PLCG2: variants seen among roughly 807,000 people sequenced by gnomAD.
PLCG2 encodes 1-phosphatidylinositol 4,5-bisphosphate phosphodiesterase gamma-2.
A neutral mutation model predicts 175.6 loss-of-function variants in PLCG2; 69 were observed. The ratio of observed to expected loss-of-function variants is 0.39; its 90% CI spans 0.32 to 0.48. PLCG2 has a LOEUF of 0.48. Among genes scored for constraint, PLCG2 ranks in the 20% least tolerant of loss-of-function variants. The probability of loss-of-function intolerance (pLI) is 0.91; values close to 1 mark genes in which losing one functional copy is unlikely to be tolerated. For missense variants in PLCG2, 1,798 were observed against 1,650.9 expected (o/e 1.09, Z -1.54); for synonymous variants, 827 against 624.0 (o/e 1.33, Z -4.85).
At chr16:81,805,946 G>A (rs989021544) in intron 2 of PLCG2, among the ~76,000 whole-genome samples, 3 of 151,806 alleles carry the variant, frequency 2.0e-5, no homozygotes, top group Non-Finnish European at 4.4e-5. Flanking sequence ...AGTCATGTGT[G>A]TAGTTTAAAG....
rs1012909752 is a variant in PLCG2, at chr16:81,960,614, A to C, written c.*2616A>C. 2.6e-5 allele frequency: 6 copies of C among 231,422 alleles called. No individual in the cohort carries two copies. The highest frequency in any genetic ancestry group is 5.1e-5 in the Non-Finnish European group (6 of 116,976). The allele number at this position is 231,422 out of a possible 1,614,324, so 14.3% of individuals were successfully genotyped here. A position where few individuals can be genotyped will look rare whatever the true frequency, so the allele number is the denominator to read the frequency against. On this transcript the variant is annotated 3_prime_UTR_variant, in exon 33 of 33. Coordinates refer to ENST00000564138, the MANE Select transcript of PLCG2 (RefSeq NM_002661.5). The stretch of plus-strand genomic sequence containing the variant: ...AGGTGTAGAGGGTCTTGTTTTCCAA[A>C]TTCGATCTCAGAATCTTTTTGCCAG...
intron 5 of PLCG2, among the ~76,000 whole-genome samples, chr16:81,865,229 C>T (rs1337212822): frequency 6.6e-6 from 1 of 152,006 alleles, no homozygotes; most frequent in Non-Finnish European, 1.5e-5. Context: ...TTGACCTGGG[C>T]GAGGCACTCT....
chr16:81,788,819 T>C (rs947834124), intron 2 of PLCG2, among the ~76,000 whole-genome samples: 4 of 152,222 alleles, frequency 2.6e-5, no homozygotes, highest in Non-Finnish European at 5.9e-5. Flanking sequence ...ATCTTCCCTC[T>C]TGACTGTTTG....
chr16:81,857,759 G>A (rs943328479), intron 3 of PLCG2, among the ~76,000 whole-genome samples: 4 of 152,266 alleles, frequency 2.6e-5, no homozygotes, highest in African/African-American at 9.6e-5. Flanking sequence ...ATATGAATTC[G>A]GAAGGAATGC....
intron 18 of PLCG2, among the ~76,000 whole-genome samples, chr16:81,911,237 T>A (rs1909608024): frequency 6.6e-6 from 1 of 152,214 alleles, no homozygotes. Flanking sequence ...AGCAACTTTT[T>A]TTTTCACTTT....
chr16:81,793,576 C>G (rs1567467204), intron 2 of PLCG2, among the ~76,000 whole-genome samples: 1 of 152,152 alleles, frequency 6.6e-6, no homozygotes, highest in Non-Finnish European at 1.5e-5. Flanking sequence ...TCTCTGTCTG[C>G]TTATTTGTGG....
chr16:81,796,301 C>G (rs918455288), intron 2 of PLCG2, among the ~76,000 whole-genome samples: 6 of 152,266 alleles, frequency 3.9e-5, no homozygotes, highest in Admixed American at 6.5e-5. Flanking sequence ...GCTGCCACAT[C>G]AGTGACAGCT....
At chr16:81,790,002 C>G (rs1911160035) in intron 2 of PLCG2, among the ~76,000 whole-genome samples, 1 of 152,216 alleles carries the variant, frequency 6.6e-6, no homozygotes, top group Non-Finnish European at 1.5e-5. Context: ...TTCCAGTGCC[C>G]TTGGATGAGC....
At chr16:81,821,378 G>T (rs1242482532) in intron 2 of PLCG2, among the ~76,000 whole-genome samples, 2 of 152,208 alleles carry the variant, frequency 1.3e-5, no homozygotes, top group African/African-American at 4.8e-5. Context: ...TCCAGTTTGG[G>T]GCTCTTGAAT....
intron 31 of PLCG2, among the ~76,000 whole-genome samples, chr16:81,948,076 T>A (rs1265448965): frequency 1.4e-5 from 2 of 139,876 alleles, no homozygotes; most frequent in East Asian, 3.9e-4. Context: ...TCGTTGGCAG[T>A]TCTTTACTTT....
At chr16:81,869,081 T>G (rs1272156677) in intron 5 of PLCG2, 133 bp from the exon 6 acceptor site, 2 of 691,478 alleles carry the variant, frequency 2.9e-6, no homozygotes, top group African/African-American at 3.6e-5. Flanking sequence ...TGTTCCCAGT[T>G]AGTGGTCCAT....
At chr16:81,913,768 C>T (rs1164891169) in intron 19 of PLCG2, among the ~76,000 whole-genome samples, 1 of 152,214 alleles carries the variant, frequency 6.6e-6, no homozygotes, top group Admixed American at 6.5e-5. Context: ...CCACTCCTCT[C>T]CCCATTCCCT....
chr16:81,918,404 T>C (rs1259003130), intron 19 of PLCG2, among the ~76,000 whole-genome samples: 1 of 152,216 alleles, frequency 6.6e-6, no homozygotes, highest in Non-Finnish European at 1.5e-5. Context: ...GGTCTAGTTT[T>C]CTTCTTTCGA....
At chr16:81,771,685 C>T (rs1318444508) in intron 2 of PLCG2, among the ~76,000 whole-genome samples, 1 of 151,856 alleles carries the variant, frequency 6.6e-6, no homozygotes, top group Non-Finnish European at 1.5e-5. Context: ...CCCCAACCCC[C>T]CACCCAAAAA....
chr16:81,774,197 A>G (rs1358225362), intron 2 of PLCG2, among the ~76,000 whole-genome samples: 5 of 148,652 alleles, frequency 3.4e-5, no homozygotes, highest in African/African-American at 1.2e-4. Context: ...AAAAAAAAAA[A>G]AAAAAAGCCA....
At chr16:81,880,545 G>A (rs1267634785) in intron 7 of PLCG2, among the ~76,000 whole-genome samples, 1 of 150,340 alleles carries the variant, frequency 6.7e-6, no homozygotes, top group Non-Finnish European at 1.5e-5. Context: ...ATTTGAGGTT[G>A]CAGAATAATA....
chr16:81,920,012 C>T (rs1909997063), intron 20 of PLCG2, among the ~76,000 whole-genome samples: 1 of 152,072 alleles, frequency 6.6e-6, no homozygotes, highest in Non-Finnish European at 1.5e-5. Context: ...AGGAATGAGC[C>T]ATGTGGGTAT....
rs745594434 is a variant in PLCG2, at chr16:81,956,859, C to T, written c.3735C>T (p.Tyr1245=). 6.2e-7 allele frequency: 1 copy of T among 1,613,576 alleles called. No homozygotes were observed. Among genetic ancestry groups the T allele is most frequent in the African/African-American group, 1.3e-5 (1 of 75,028 alleles). ...FSVNENQLQL[Y]QEKCNKRLRE... ...TTAATGAGAACCAGCTCCAGCTGTA[C>T]CAGGAGAAATGCAACAAGAGGTAGG... Residue 1245 remains tyrosine (Y), a synonymous_variant, in exon 32 of 33, where the codon TAC becomes TAT. Transcript: ENST00000564138.
At chr16:81,875,980 TTAGA>T (rs1907762395) in intron 7 of PLCG2, among the ~76,000 whole-genome samples, 1 of 151,680 alleles carries the variant, frequency 6.6e-6, no homozygotes, top group Non-Finnish European at 1.5e-5. Context: ...AGTGGAGAAG[TTAGA>T]TAGAATCTCT....
Sources: gnomAD v4.1 joint callset for allele counts (sites outside exome capture counted in the v4.1 genomes callset) on GRCh38, gnomAD v4.1.1 for gene constraint, MANE v1.5 for transcripts, NCBI Gene and HGNC (gene_info 2026-07-23, HGNC 2026-07-21) for gene names.